Variants in MAPK8IP2 observed in about 807,000 individuals in gnomAD.
MAPK8IP2 encodes C-Jun-amino-terminal kinase-interacting protein 2.
MAPK8IP2 carries 15 observed loss-of-function variants against 75.6 expected under a neutral mutation model. That is an observed-to-expected ratio of 0.20 (90% CI 0.13 to 0.31). The LOEUF (loss-of-function observed/expected upper bound fraction) is 0.31, where lower values mean the gene tolerates loss of function less well. MAPK8IP2 is among the 10% of genes least tolerant of loss of function. The pLI is 1.00. For synonymous variants in MAPK8IP2, 632 were observed against 554.5 expected (o/e 1.14, Z -1.96); for missense variants, 1,089 against 1,211.2 (o/e 0.90, Z 1.50).
chr22:50,601,464 C>T, intron 1 of MAPK8IP2: 1 of 268,638 alleles, frequency 3.7e-6, no homozygotes, highest in South Asian at 6.1e-5. Context: ...TTGCAGCTCC[C>T]CCTCCCCTGC....
chr22:50,609,674 C>A (rs1279526539), intron 10 of MAPK8IP2: 1 of 453,768 alleles, frequency 2.2e-6, no homozygotes, highest in Non-Finnish European at 4.4e-6. Flanking sequence ...TTGATTTTTG[C>A]TAATGTCTGG....
intron 6 of MAPK8IP2, 22 bp downstream of exon 6, chr22:50,605,465 G>C (rs1455631536): frequency 1.2e-6 from 2 of 1,612,770 alleles, no homozygotes; most frequent in Non-Finnish European, 1.7e-6. Context: ...CTCCTTGCTG[G>C]CGGTGGCCCC....
intron 10 of MAPK8IP2, among the ~76,000 whole-genome samples, chr22:50,608,747 A>G (rs1375181728): frequency 7.0e-6 from 1 of 142,166 alleles, no homozygotes; most frequent in East Asian, 2.2e-4. Flanking sequence ...CAGTGGGGCC[A>G]GCTCTGGGGT....
At chr22:50,608,993 C>T (rs773388889) in intron 10 of MAPK8IP2, among the ~76,000 whole-genome samples, 6 of 152,118 alleles carry the variant, frequency 3.9e-5, no homozygotes, top group Non-Finnish European at 8.8e-5. Context: ...GGTGGTCAGT[C>T]GAGTTTGGGG....
In MAPK8IP2 at chr22:50,603,711, C is replaced by T. The variant is rs1281729533; in HGVS notation, c.533C>T (p.Ala178Val). 12 of 1,569,996 alleles carry T rather than the reference C, an allele frequency of 7.6e-6. No individual in the cohort carries two copies. Among genetic ancestry groups the T allele is most frequent in the African/African-American group, 1.4e-5 (1 of 73,840 alleles). ...ETALCSPAPEALRELPGPLPA... is the reference protein window; with the variant it reads ...ETALCSPAPEVLRELPGPLPA... ...GCGCTATGCTCACCCGCCCCGGAGGCCCTCAGAGGTGAGGGGTGGTGGGCC... is the reference window on the plus strand; with the variant it reads ...GCGCTATGCTCACCCGCCCCGGAGGTCCTCAGAGGTGAGGGGTGGTGGGCC... Residue 178 changes from alanine (A) to valine (V), a missense_variant, in exon 4 of 12, where the codon GCC becomes GTC. By Grantham distance (64) the Ala-to-Val change is moderately conservative. This residue lies in a region of MAPK8IP2 where 960 missense variants were observed against 1,009.6 expected (regional missense o/e 0.95). Transcript: ENST00000329492.
intron 10 of MAPK8IP2, among the ~76,000 whole-genome samples, chr22:50,609,126 G>A (rs980366216): frequency 3.9e-5 from 6 of 152,162 alleles, no homozygotes; most frequent in South Asian, 4.1e-4. Context: ...GAGGAGGCAC[G>A]GACGAAACCG....
At chr22:50,606,582 G>T in intron 8 of MAPK8IP2, 76 bp from the exon 9 acceptor site, 1 of 978,450 alleles carries the variant, frequency 1.0e-6, no homozygotes, top group Non-Finnish European at 1.6e-6. Context: ...AGGAGCAGAG[G>T]CGTAGTCCCA....
At position 50,610,371 on chromosome 22, in the gene MAPK8IP2, G is replaced by A. The variant is rs183250716; in HGVS notation, c.2402+61G>A. 5.5e-5 allele frequency: 78 copies of A among 1,424,152 alleles called. No individual in the cohort carries two copies. The East Asian group carries it at 1.7e-3, about 30-fold the overall frequency. 88.2% of individuals were successfully genotyped at this position (1,424,152 alleles called of 1,614,324 possible). On this transcript the variant is annotated intron_variant, in intron 11 of 11. Transcript: ENST00000329492. This position sits in a 1 kb window ranked among gnomAD's most constrained non-coding sequence, Gnocchi z 4.3. ...TGCAGGGTTACGGAGGTGGGGAGCG[G>A]AGGTGAGCAGGTGGGGGCAGGAGCC...
At position 50,607,906 on chromosome 22, in the gene MAPK8IP2, G is replaced by T. The variant is rs573641718; in HGVS notation, c.2303+915G>T. ...CTGGCATAGGAGCAGCAGGCCAAGG[G>T]GGGCTGCCAGCTTCCCTCCAGGCAC... On this transcript the variant is annotated intron_variant, in intron 10 of 11. Coordinates refer to ENST00000329492, the MANE Select transcript of MAPK8IP2 (RefSeq NM_012324.6). This position sits in a 1 kb window ranked among gnomAD's most constrained non-coding sequence, Gnocchi z 5.6. Among the ~76,000 whole-genome samples the T allele has an allele frequency of 6.6e-6, 1 of 152,134 alleles. No individual in the cohort carries two copies. Among genetic ancestry groups the T allele is most frequent in the African/African-American group, 2.4e-5 (1 of 41,430 alleles).
In MAPK8IP2 at chr22:50,604,501, C is replaced by T. The variant is rs2071006945; in HGVS notation, c.1202C>T (p.Ala401Val). ...GACTCCCAGGACCCCGAGGCGGCCG[C>T]GGGGCCCGGCGGCGTGGAGCTGGTG... ...AQDSQDPEAA[A>V]GPGGVELVDM... Residue 401 changes from alanine (A) to valine (V), a missense_variant, in exon 5 of 12, where the codon GCG becomes GTG. Coordinates refer to ENST00000329492, the MANE Select transcript of MAPK8IP2 (RefSeq NM_012324.6). 2 of 1,222,018 alleles carry T rather than the reference C, an allele frequency of 1.6e-6. No homozygotes were observed. Among genetic ancestry groups the T allele is most frequent in the South Asian group, 7.1e-5 (2 of 28,170 alleles). 75.7% of individuals were successfully genotyped at this position (1,222,018 alleles called of 1,614,324 possible).
chr22:50,605,619 G>A lies in MAPK8IP2; in HGVS notation c.1899G>A (p.Val633=). The A allele has an allele frequency of 1.9e-6, 3 of 1,609,198 alleles. No individual in the cohort carries two copies. Among genetic ancestry groups the A allele is most frequent in the Non-Finnish European group, 2.5e-6 (3 of 1,178,144 alleles). The stretch of plus-strand genomic sequence containing the variant: ...TGGATGTGGATGACCCTGTGTTGGT[G>A]GAGGCCGAGGAGGACGACTTCTGGT... The part of the protein sequence containing the change: ...LELDVDDPVL[V]EAEEDDFWFR... Residue 633 remains valine (V), a synonymous_variant, in exon 7 of 12, where the codon GTG becomes GTA. Coordinates refer to ENST00000329492, the MANE Select transcript of MAPK8IP2 (RefSeq NM_012324.6).
chr22:50,603,663 G>A lies in MAPK8IP2; in HGVS notation c.485G>A (p.Arg162His), dbSNP rs201649100. Residue 162 changes from arginine (R) to histidine (H), a missense_variant, in exon 4 of 12, where the codon CGT becomes CAT. Arg to His is a conservative substitution (Grantham distance 29). Around this residue, in one of 2 missense-constraint regions of MAPK8IP2, gnomAD observed 960 missense variants for 1,009.6 expected, o/e 0.95. Coordinates refer to ENST00000329492, the MANE Select transcript of MAPK8IP2 (RefSeq NM_012324.6). ...LNNNGGFDLV[R>H]PASWQETALC... ...AACAACGGAGGCTTTGACCTGGTGCGTCCGGCCTCCTGGCAGGAGACAGCG... is the reference window on the plus strand; with the variant it reads ...AACAACGGAGGCTTTGACCTGGTGCATCCGGCCTCCTGGCAGGAGACAGCG... The A allele has an allele frequency of 2.3e-5, 36 of 1,592,326 alleles. No individual in the cohort carries two copies. The highest frequency in any genetic ancestry group is 6.9e-5 in the East Asian group (3 of 43,676).
chr22:50,605,985 C>T, intron 8 of MAPK8IP2, 51 bp downstream of exon 8: 2 of 1,392,482 alleles, frequency 1.4e-6, no homozygotes, highest in Non-Finnish European at 2.0e-6. Context: ...TTGGCGGCCA[C>T]ACCAGCACTG....
chr22:50,605,042 C>T lies in MAPK8IP2; in HGVS notation c.1743C>T (p.Val581=). The T allele has an allele frequency of 6.2e-7, 1 of 1,612,534 alleles. No individual in the cohort carries two copies. Among genetic ancestry groups the T allele is most frequent in the Non-Finnish European group, 8.5e-7 (1 of 1,179,832 alleles). ...TFSKKFLNVF[V]NSTSRSSSTE... ...CCAAGAAGTTCCTCAATGTCTTCGT[C>T]AACAGCACATCTCGGTCCTCCAGTG... Residue 581 remains valine (V), a synonymous_variant, in exon 5 of 12, where the codon GTC becomes GTT. Coordinates refer to ENST00000329492, the MANE Select transcript of MAPK8IP2 (RefSeq NM_012324.6).
chr22:50,600,891 C>A lies in MAPK8IP2; in HGVS notation c.65+8C>A, dbSNP rs776466402. The A allele has an allele frequency of 1.6e-6, 2 of 1,249,250 alleles. No individual in the cohort carries two copies. The highest frequency in any genetic ancestry group is 2.1e-6 in the Non-Finnish European group (2 of 967,514). The allele number at this position is 1,249,250 out of a possible 1,614,324, so 77.4% of individuals were successfully genotyped here. A position where few individuals can be genotyped will look rare whatever the true frequency, so the allele number is the denominator to read the frequency against. On this transcript the variant is annotated splice_region_variant and intron_variant, in intron 1 of 11. Coordinates refer to ENST00000329492, the MANE Select transcript of MAPK8IP2 (RefSeq NM_012324.6). ...GTCGCCGCCGGGCTGCAGGTACCCC[C>A]CTCGGCGCCCGGGCCGGGCGGACCC...
Position 50,604,814 on chromosome 22 carries a change from G to C in MAPK8IP2, c.1515G>C (p.Val505=). The C allele has an allele frequency of 6.4e-7, 1 of 1,558,524 alleles. No homozygotes were observed. The highest frequency in any genetic ancestry group is 8.7e-7 in the Non-Finnish European group (1 of 1,153,498). ...CGGCGCCGCGGGACGCGTCGCTGGT[G>C]TACGACGCGGTCAAGTACACGCTGG... ...GPSAPRDASL[V]YDAVKYTLVV... The change falls in exon 5 of 12, where the codon GTG becomes GTC. Residue 505 remains valine, a synonymous_variant. Coordinates refer to ENST00000329492, the MANE Select transcript of MAPK8IP2 (RefSeq NM_012324.6).
In MAPK8IP2 at chr22:50,607,073, C is replaced by T. The variant is rs1374658511; in HGVS notation, c.2303+82C>T. The T allele has an allele frequency of 8.8e-7, 1 of 1,137,788 alleles. No homozygotes were observed. The allele number at this position is 1,137,788 out of a possible 1,614,324, so 70.5% of individuals were successfully genotyped here. ...AACCGCCCCCTGAGTCCCCACAGAC[C>T]CTGAGGGCTGCCCGTGCCCAGCCCT... On this transcript the variant is annotated intron_variant, in intron 10 of 11. Coordinates refer to ENST00000329492, the MANE Select transcript of MAPK8IP2 (RefSeq NM_012324.6). This position sits in a 1 kb window ranked among gnomAD's most constrained non-coding sequence, Gnocchi z 5.6.
chr22:50,608,660 G>A (rs1351328343), intron 10 of MAPK8IP2, among the ~76,000 whole-genome samples: 8 of 139,510 alleles, frequency 5.7e-5, no homozygotes, highest in African/African-American at 2.2e-4. Context: ...GTGGGACAGC[G>A]GGCAGGGGCG....
At chr22:50,608,333 G>A (rs1242090152) in intron 10 of MAPK8IP2, among the ~76,000 whole-genome samples, 1 of 148,204 alleles carries the variant, frequency 6.7e-6, no homozygotes, top group African/African-American at 2.5e-5. Context: ...ACAGCGGGCA[G>A]GGGCGCAGAC....
Sources: allele counts gnomAD v4.1 joint callset (sites outside exome capture counted in the v4.1 genomes callset), GRCh38; gene constraint gnomAD v4.1.1; regional missense constraint gnomAD v4.1.1; non-coding constraint Gnocchi (gnomAD v3.1); transcripts MANE v1.5; gene names NCBI Gene and HGNC (gene_info 2026-07-23, HGNC 2026-07-21).